Variants in MACF1 observed in about 807,000 individuals in gnomAD.
MACF1 encodes the protein microtubule-actin cross-linking factor 1.
MACF1 carries 193 observed loss-of-function variants against 854.8 expected under a neutral mutation model. The observed-to-expected ratio is 0.23, with a 90% CI of 0.20 to 0.25. The LOEUF is 0.25. MACF1 is among the 10% of genes least tolerant of loss of function. The pLI is 1.00. For missense variants in MACF1, 7,722 were observed against 8,929.1 expected (o/e 0.86, Z 5.45); for synonymous variants, 3,185 against 3,226.7 (o/e 0.99, Z 0.44).
At chr1:39,341,963 C>CAAT (rs1646944864) in intron 40 of MACF1, among the ~76,000 whole-genome samples, 1 of 151,852 alleles carries the variant, frequency 6.6e-6, no homozygotes, top group African/African-American at 2.4e-5. Context: ...AACTGCATGT[C>CAAT]ATGAGGGTTT....
chr1:39,094,743 T>C (rs1379005991), intron 2 of MACF1, among the ~76,000 whole-genome samples: 1 of 151,192 alleles, frequency 6.6e-6, no homozygotes, highest in African/African-American at 2.4e-5. Flanking sequence ...AAAAAAGAAA[T>C]TAGCCAGGCG....
intron 1 of MACF1, among the ~76,000 whole-genome samples, chr1:39,207,261 T>C (rs1644461180): frequency 1.5e-5 from 2 of 135,744 alleles, no homozygotes; most frequent in South Asian, 4.2e-4. Flanking sequence ...GTTGTTTTTT[T>C]CTTTCTTTCT....
At chr1:39,360,009 AAAAATATATATATATAT>A (rs1428807912) in intron 47 of MACF1, among the ~76,000 whole-genome samples, 15 of 53,020 alleles carry the variant, frequency 2.8e-4, no homozygotes, top group African/African-American at 1.3e-3. Flanking sequence ...AAAAAAAAAA[AAAAATATATATATATAT>A]ATATATATAT....
intron 40 of MACF1, among the ~76,000 whole-genome samples, chr1:39,344,129 GAA>G (rs922184590): frequency 3.6e-5 from 5 of 140,136 alleles, no homozygotes; most frequent in African/African-American, 1.3e-4. Flanking sequence ...AAAAAAAAAA[GAA>G]AAAAAGTTTT....
At chr1:39,149,608 G>T (rs532640974) in intron 2 of MACF1, among the ~76,000 whole-genome samples, 2 of 151,990 alleles carry the variant, frequency 1.3e-5, no homozygotes, top group East Asian at 3.9e-4. Flanking sequence ...ATTTTGGGAG[G>T]AAAGATACGG....
In MACF1 at chr1:39,105,639, C is replaced by T; in HGVS notation, c.220+21201C>T. 4.1e-6 allele frequency: 5 copies of T among 1,232,946 alleles called. No individual in the cohort carries two copies. The South Asian group carries it at 6.7e-5, about 16-fold the overall frequency. 76.4% of individuals were successfully genotyped at this position (1,232,946 alleles called of 1,614,324 possible). On this transcript the variant is annotated intron_variant, in intron 2 of 93. Transcript: ENST00000361689. The surrounding 1 kb of genome is among the most constrained non-coding windows in gnomAD (Gnocchi z 5.9). ...GCGGGCGGCCATGGCCGGCTACGTG[C>T]CGGGTCAGCAGCCGGCCAACCGCAG...
intron 2 of MACF1, among the ~76,000 whole-genome samples, chr1:39,129,183 C>T (rs975104249): frequency 1.3e-5 from 2 of 152,124 alleles, no homozygotes; most frequent in African/African-American, 2.4e-5. Flanking sequence ...GGGTGTGTGC[C>T]TGAGAGAACT....
At chr1:39,195,218 A>G (rs1388236489) in intron 2 of MACF1, among the ~76,000 whole-genome samples, 1 of 152,072 alleles carries the variant, frequency 6.6e-6, no homozygotes, top group Admixed American at 6.6e-5. Context: ...ATGGTTTTCC[A>G]GGCACTTGTT....
rs973155789 is a variant in MACF1 at position 39,284,163 on chromosome 1, C to T, written c.1013C>T (p.Pro338Leu). 1 of 1,613,462 alleles carries T rather than the reference C, an allele frequency of 6.2e-7. No homozygotes were observed. ...ATACTGATGTCAGATAAAACTTTTC[C>T]CCAAAACCCTGTTGAACTAAAGGTA... ...HTILMSDKTF[P>L]QNPVELKALY... Residue 338 changes from proline to leucine, a missense_variant, in exon 10 of 101, where the codon CCC becomes CTC. Coordinates refer to ENST00000564288, the MANE Select transcript of MACF1 (RefSeq NM_001394062.1).
chr1:39,453,461 G>A (rs371097180), intron 87 of MACF1, among the ~76,000 whole-genome samples: 1 of 152,142 alleles, frequency 6.6e-6, no homozygotes, highest in African/African-American at 2.4e-5. Flanking sequence ...GAAAAGGGGG[G>A]CATACCTCTG....
At chr1:39,316,345 C>T (rs1306078567) in intron 27 of MACF1, 46 bp from the exon 28 acceptor site, 2 of 1,543,382 alleles carry the variant, frequency 1.3e-6, no homozygotes, top group Non-Finnish European at 1.8e-6. Context: ...AACCCTGGCT[C>T]CTAAAATTCA....
At chr1:39,441,203 G>C in intron 73 of MACF1, 21 bp from the exon 74 acceptor site, 1 of 1,613,704 alleles carries the variant, frequency 6.2e-7, no homozygotes, top group East Asian at 2.2e-5. Context: ...TGAAGAATCT[G>C]ATTGAATGTT....
chr1:39,463,490 CAAAAAAA>C (rs58454766), intron 93 of MACF1, 115 bp from the exon 94 acceptor site: 1 of 464,464 alleles, frequency 2.2e-6, no homozygotes, highest in Non-Finnish European at 3.8e-6. Context: ...AACTCCATCT[CAAAAAAA>C]AAAAAAAATG....
intron 26 of MACF1, among the ~76,000 whole-genome samples, chr1:39,313,586 C>T (rs970718838): frequency 2.7e-5 from 4 of 150,410 alleles, no homozygotes; most frequent in African/African-American, 9.8e-5. Context: ...CCCTTGCTTT[C>T]TTCTTTCATT....
In MACF1 at chr1:39,405,450, A is replaced by G. The variant is rs543450954; in HGVS notation, c.15816+16792A>G. On this transcript the variant is annotated intron_variant, in intron 58 of 100. Coordinates refer to ENST00000564288, the MANE Select transcript of MACF1 (RefSeq NM_001394062.1). ...CCATCAAGGTGGGTGATAAGGCATC[A>G]TAGAATCTAGGGAAGTGTGAATCTG... Among the ~76,000 whole-genome samples, 44 of 152,388 alleles carry G rather than the reference A, an allele frequency of 2.9e-4. 1 individual carries two copies. The highest frequency in any genetic ancestry group is 1.1e-3 in the African/African-American group (44 of 41,600).
In MACF1 at chr1:39,317,407, G is replaced by A. The variant is rs774006736; in HGVS notation, c.3782G>A (p.Arg1261His). 1.1e-5 allele frequency: 17 copies of A among 1,611,842 alleles called. No individual in the cohort carries two copies. The highest frequency in any genetic ancestry group is 1.4e-5 in the Non-Finnish European group (16 of 1,179,664). ...CGAGTCATTGCCCAGCTCGAGATTCGGTGAGTGGTGGCCCCACCTTTTTCT... is the reference window on the plus strand; with the variant it reads ...CGAGTCATTGCCCAGCTCGAGATTCAGTGAGTGGTGGCCCCACCTTTTTCT... ...WHRVIAQLEI[R>H]QSELESIQEV... Residue 1261 changes from arginine to histidine, a missense_variant and splice_region_variant, in exon 29 of 101, where the codon CGC becomes CAC. Transcript: ENST00000564288.
intron 23 of MACF1, among the ~76,000 whole-genome samples, chr1:39,306,379 C>T (rs1222771094): frequency 2.0e-5 from 3 of 152,008 alleles, no homozygotes; most frequent in South Asian, 2.1e-4. Flanking sequence ...CCACCCACCT[C>T]GGCCTCTCAA....
intron 52 of MACF1, chr1:39,372,975 A>G (rs1380704197): frequency 4.3e-6 from 1 of 231,164 alleles, no homozygotes; most frequent in Non-Finnish European, 8.4e-6. Context: ...GATCAAAACC[A>G]GCCTGGCCAA....
chr1:39,234,419 C>CT (rs1044451214), intron 2 of MACF1, among the ~76,000 whole-genome samples: 5 of 149,308 alleles, frequency 3.3e-5, no homozygotes, highest in Non-Finnish European at 5.9e-5. Flanking sequence ...GGGCAGGGGG[C>CT]TGACCCCCCC....
Sources: gnomAD v4.1 joint callset for allele counts (sites outside exome capture counted in the v4.1 genomes callset) on GRCh38, gnomAD v4.1.1 for gene constraint, Gnocchi (gnomAD v3.1) non-coding constraint, MANE v1.5 for transcripts, NCBI Gene and HGNC (gene_info 2026-07-23, HGNC 2026-07-21) for gene names.